GRM7: variants seen among roughly 807,000 people sequenced by gnomAD.
GRM7 encodes glutamate metabotropic receptor 7.
GRM7 carries 35 observed loss-of-function variants against 84.5 expected under a neutral mutation model. The ratio of observed to expected loss-of-function variants is 0.41; its 90% confidence interval spans 0.32 to 0.55. The LOEUF is 0.55. GRM7 is among the 20% of genes least tolerant of loss of function. GRM7 has a pLI of 0.19. For synonymous variants in GRM7, 487 were observed against 455.1 expected (o/e 1.07, Z -0.89); for missense variants, 1,003 against 1,194.6 (o/e 0.84, Z 2.36).
intron 1 of GRM7, among the ~76,000 whole-genome samples, chr3:6,961,204 C>T (rs1460851028): frequency 6.6e-6 from 1 of 152,154 alleles, no homozygotes; most frequent in African/African-American, 2.4e-5. Context: ...CAATCACTAG[C>T]ATCTTGTGTT....
At chr3:6,996,322 A>G (rs2124867036) in intron 1 of GRM7, among the ~76,000 whole-genome samples, 1 of 152,346 alleles carries the variant, frequency 6.6e-6, no homozygotes, top group Middle Eastern at 3.4e-3. Flanking sequence ...TGCTGGGATT[A>G]CTGACATGAG....
chr3:7,636,507 G>A (rs1487430861), intron 8 of GRM7: 2 of 293,648 alleles, frequency 6.8e-6, no homozygotes, highest in African/African-American at 4.4e-5. Context: ...GTAATAAGGA[G>A]AGTTCTATTA....
intron 2 of GRM7, among the ~76,000 whole-genome samples, chr3:7,210,379 G>A (rs116240609): frequency 0.011 from 1,702 of 152,310 alleles, 31 homozygotes; most frequent in African/African-American, 0.039. Flanking sequence ...GCATGCTGAT[G>A]AGGCTTGTAA....
chr3:7,514,229 T>A (rs1700302900), intron 7 of GRM7, among the ~76,000 whole-genome samples: 1 of 152,208 alleles, frequency 6.6e-6, no homozygotes, highest in South Asian at 2.1e-4. Flanking sequence ...AATCTGTAAT[T>A]CTCCTATTGA....
intron 1 of GRM7, among the ~76,000 whole-genome samples, chr3:7,121,805 G>A (rs1285695758): frequency 6.6e-6 from 1 of 152,170 alleles, no homozygotes; most frequent in Non-Finnish European, 1.5e-5. Context: ...CCAAATCCAT[G>A]TGTTGGAAAC....
At chr3:7,392,957 C>T (rs1695059307) in intron 4 of GRM7, among the ~76,000 whole-genome samples, 1 of 152,092 alleles carries the variant, frequency 6.6e-6, no homozygotes, top group East Asian at 1.9e-4. Context: ...CGGCTGCAGA[C>T]ACATCAGCCT....
At chr3:6,889,707 T>A (rs1695854855) in intron 1 of GRM7, among the ~76,000 whole-genome samples, 1 of 152,146 alleles carries the variant, frequency 6.6e-6, no homozygotes, top group Non-Finnish European at 1.5e-5. Context: ...TTTGGTTGTG[T>A]CTCTGCCTGG....
intron 2 of GRM7, among the ~76,000 whole-genome samples, chr3:7,239,786 C>A (rs916484713): frequency 6.6e-6 from 1 of 152,134 alleles, no homozygotes; most frequent in Non-Finnish European, 1.5e-5. Flanking sequence ...AGAGTTAAGG[C>A]CTTGTGCTCC....
At chr3:7,703,320 C>T (rs1039553) in intron 9 of GRM7, among the ~76,000 whole-genome samples, 74,420 of 151,762 alleles carry the variant, frequency 0.49, 18,599 homozygotes, top group East Asian at 0.75. Flanking sequence ...GTTTTAACAA[C>T]CCCCCCAAGT....
At chr3:6,873,031 T>A (rs544297146) in intron 1 of GRM7, among the ~76,000 whole-genome samples, 9 of 152,282 alleles carry the variant, frequency 5.9e-5, no homozygotes, top group South Asian at 2.1e-4. Flanking sequence ...CCCTGAGGAA[T>A]CACCACACTG....
At chr3:7,669,011 T>G (rs913896675) in intron 8 of GRM7, among the ~76,000 whole-genome samples, 1 of 152,252 alleles carries the variant, frequency 6.6e-6, no homozygotes, top group Admixed American at 6.5e-5. Flanking sequence ...CTTACAGGAT[T>G]AAATAAAATG....
At chr3:7,143,301 AT>A (rs1427403222) in intron 1 of GRM7, among the ~76,000 whole-genome samples, 4 of 152,112 alleles carry the variant, frequency 2.6e-5, no homozygotes, top group African/African-American at 9.7e-5. Flanking sequence ...AAGCAACATC[AT>A]TTTTCACAGG....
intron 2 of GRM7, among the ~76,000 whole-genome samples, chr3:7,203,142 C>A (rs1696122085): frequency 6.6e-6 from 1 of 152,082 alleles, no homozygotes; most frequent in South Asian, 2.1e-4. Flanking sequence ...GTTATCAAAC[C>A]TTGGAACTTA....
chr3:7,142,640 G>T (rs1574955464), intron 1 of GRM7, among the ~76,000 whole-genome samples: 1 of 152,026 alleles, frequency 6.6e-6, no homozygotes, highest in Admixed American at 6.6e-5. Flanking sequence ...TTTGGGTGGG[G>T]ATACAAAGCC....
intron 2 of GRM7, among the ~76,000 whole-genome samples, chr3:7,259,678 C>T (rs1698335218): frequency 6.6e-6 from 1 of 152,152 alleles, no homozygotes; most frequent in African/African-American, 2.4e-5. Flanking sequence ...TTTCTTTATT[C>T]AGTATACCAT....
intron 8 of GRM7, among the ~76,000 whole-genome samples, chr3:7,647,976 CAG>C (rs1329162976): frequency 2.0e-5 from 3 of 152,112 alleles, no homozygotes; most frequent in Non-Finnish European, 4.4e-5. Context: ...GCCCTACAAA[CAG>C]AGTATTTCCA....
intron 8 of GRM7, among the ~76,000 whole-genome samples, chr3:7,669,235 C>T (rs9870241): frequency 0.11 from 16,967 of 152,042 alleles, 1,666 homozygotes; most frequent in African/African-American, 0.26. Flanking sequence ...ATCCTATAAG[C>T]GAGTAAAACA....
intron 2 of GRM7, among the ~76,000 whole-genome samples, chr3:7,263,124 G>C (rs968546619): frequency 6.6e-6 from 1 of 152,096 alleles, no homozygotes; most frequent in Non-Finnish European, 1.5e-5. Context: ...TTATGTCCTT[G>C]GGGGCTTAGT....
intron 1 of GRM7, among the ~76,000 whole-genome samples, chr3:7,094,882 C>T (rs1010025734): frequency 2.0e-5 from 3 of 151,910 alleles, no homozygotes; most frequent in African/African-American, 7.2e-5. Context: ...TAATCAAGGA[C>T]ACTTCACTAA....
Sources: allele counts gnomAD v4.1 joint callset (sites outside exome capture counted in the v4.1 genomes callset), GRCh38; gene constraint gnomAD v4.1.1; transcripts MANE v1.5; gene names NCBI Gene and HGNC (gene_info 2026-07-23, HGNC 2026-07-21).